Variants in UNC5D observed in about 807,000 individuals in gnomAD.
The protein encoded by UNC5D is netrin receptor UNC5D.
A neutral mutation model predicts 105.4 loss-of-function variants in UNC5D; 39 were observed. The ratio of observed to expected loss-of-function variants is 0.37; its 90% confidence interval spans 0.29 to 0.48. The LOEUF (loss-of-function observed/expected upper bound fraction) is 0.48. Ranked by LOEUF, UNC5D falls within the 20% of genes least tolerant of loss-of-function variation. UNC5D has a pLI of 0.98. For synonymous variants in UNC5D, 452 were observed against 450.4 expected (o/e 1.00, Z -0.04); for missense variants, 991 against 1,202.4 (o/e 0.82, Z 2.60).
intron 2 of UNC5D, among the ~76,000 whole-genome samples, chr8:35,560,617 G>A (rs770383272): frequency 9.9e-5 from 15 of 152,088 alleles, no homozygotes; most frequent in South Asian, 4.1e-4. Context: ...CAAAGAATTC[G>A]TGATTTGCCA....
At chr8:35,380,745 T>C (rs1802994691) in intron 1 of UNC5D, among the ~76,000 whole-genome samples, 1 of 152,194 alleles carries the variant, frequency 6.6e-6, no homozygotes, top group Admixed American at 6.5e-5. Flanking sequence ...ATAACATGCA[T>C]TGACAAAGCA....
chr8:35,407,005 T>C (rs778998735), intron 1 of UNC5D, among the ~76,000 whole-genome samples: 1 of 152,164 alleles, frequency 6.6e-6, no homozygotes, highest in Non-Finnish European at 1.5e-5. Flanking sequence ...AACGACATTT[T>C]AGTTAACAAT....
At chr8:35,736,306 G>A (rs1205386491) in intron 11 of UNC5D, among the ~76,000 whole-genome samples, 3 of 152,194 alleles carry the variant, frequency 2.0e-5, no homozygotes. Context: ...GGGAGGTCGA[G>A]GCTGCTGTAA....
intron 1 of UNC5D, among the ~76,000 whole-genome samples, chr8:35,247,023 T>A (rs1434927482): frequency 1.3e-5 from 2 of 152,040 alleles, no homozygotes; most frequent in African/African-American, 2.4e-5. Flanking sequence ...GGAGTGAAGT[T>A]GCTTGCTTGG....
intron 1 of UNC5D, chr8:35,255,474 A>G (rs1179467184): frequency 1.3e-5 from 2 of 152,076 alleles, no homozygotes; most frequent in African/African-American, 4.8e-5. Context: ...TGTTGTGTGG[A>G]TAGATTACTA....
chr8:35,523,497 A>C (rs1371153), intron 1 of UNC5D, among the ~76,000 whole-genome samples: 37,427 of 151,522 alleles, frequency 0.25, 5,178 homozygotes, highest in African/African-American at 0.38. Context: ...TATTCCCTTG[A>C]AGGTCATGAG....
chr8:35,360,611 T>C (rs990836556), intron 1 of UNC5D, among the ~76,000 whole-genome samples: 1 of 152,204 alleles, frequency 6.6e-6, no homozygotes, highest in African/African-American at 2.4e-5. Flanking sequence ...TTGTCTTCTA[T>C]GTTCTGTGTG....
At chr8:35,631,395 C>T (rs966578664) in intron 4 of UNC5D, among the ~76,000 whole-genome samples, 10 of 152,172 alleles carry the variant, frequency 6.6e-5, no homozygotes, top group African/African-American at 2.2e-4. Context: ...TGATGATTCA[C>T]CCAGAGTCAC....
intron 1 of UNC5D, among the ~76,000 whole-genome samples, chr8:35,248,101 T>TTA (rs1211810934): frequency 1.4e-5 from 1 of 72,438 alleles, no homozygotes; most frequent in African/African-American, 5.8e-5. Flanking sequence ...TAAATATATA[T>TTA]TATATATAAA....
chr8:35,280,537 G>A (rs1806076741), intron 1 of UNC5D, among the ~76,000 whole-genome samples: 2 of 152,138 alleles, frequency 1.3e-5, no homozygotes, highest in South Asian at 4.1e-4. Context: ...GAGTGTTGTA[G>A]TTGTTATTGT....
At chr8:35,502,819 C>T (rs772400222) in intron 1 of UNC5D, among the ~76,000 whole-genome samples, 5 of 151,968 alleles carry the variant, frequency 3.3e-5, no homozygotes, top group Admixed American at 6.6e-5. Context: ...CCCACCTCAG[C>T]CTCTTAAAGT....
chr8:35,356,808 G>A (rs530801975), intron 1 of UNC5D, among the ~76,000 whole-genome samples: 40 of 152,020 alleles, frequency 2.6e-4, no homozygotes, highest in Non-Finnish European at 5.6e-4. Flanking sequence ...TGTGAGAGTC[G>A]GTCTGAGAAC....
chr8:35,595,181 C>A (rs1819412341), intron 3 of UNC5D, among the ~76,000 whole-genome samples: 1 of 152,204 alleles, frequency 6.6e-6, no homozygotes, highest in Admixed American at 6.5e-5. Flanking sequence ...TCATGTGCAT[C>A]TCAACTGCAT....
At chr8:35,313,659 A>G (rs762168659) in intron 1 of UNC5D, among the ~76,000 whole-genome samples, 1 of 152,120 alleles carries the variant, frequency 6.6e-6, no homozygotes, top group Non-Finnish European at 1.5e-5. Flanking sequence ...AGTTAAAAGG[A>G]TGGATCCAGA....
intron 3 of UNC5D, among the ~76,000 whole-genome samples, chr8:35,575,382 A>G (rs1272298253): frequency 1.3e-5 from 2 of 152,188 alleles, no homozygotes; most frequent in Non-Finnish European, 2.9e-5. Context: ...CCATGGATCT[A>G]ACATGGCATC....
Position 35,596,466 on chromosome 8 carries a change from C to G in UNC5D, c.570+809C>G, listed in dbSNP as rs187199099. Among the ~76,000 whole-genome samples, 755 of 152,118 alleles carry G rather than the reference C, an allele frequency of 5.0e-3. 6 individuals carry two copies. The highest frequency in any genetic ancestry group is 8.2e-3 in the Non-Finnish European group (557 of 68,004). On this transcript the variant is annotated intron_variant, in intron 4 of 16. Coordinates refer to ENST00000404895, the MANE Select transcript of UNC5D (RefSeq NM_080872.4). ...TTTATAAATTTAGGCCCGTGAAGCC[C>G]GAAAATTTGAGAGAGGTCTCAGTTA...
chr8:35,290,509 G>T (rs1448120330), intron 1 of UNC5D, among the ~76,000 whole-genome samples: 2 of 152,040 alleles, frequency 1.3e-5, no homozygotes, highest in Non-Finnish European at 2.9e-5. Context: ...GGAATGAGAA[G>T]TTGTTAATCA....
intron 1 of UNC5D, among the ~76,000 whole-genome samples, chr8:35,236,468 A>G (rs1042327047): frequency 6.6e-4 from 1 of 1,526 alleles, no homozygotes. Context: ...GGCGTGCACC[A>G]TCCCAGTTTA....
chr8:35,548,946 T>G lies in UNC5D; in HGVS notation c.104-346T>G, dbSNP rs556495635. On this transcript the variant is annotated intron_variant, in intron 1 of 16. Transcript: ENST00000404895. ...ATTTTGAAGCAGCTTGGGGTTGTCA[T>G]TAGCCCTTTAAGGTAACCATTCACC... Among the ~76,000 whole-genome samples the G allele has an allele frequency of 7.2e-5, 11 of 152,294 alleles. No homozygotes were observed. In the South Asian group the frequency reaches 1.9e-3, roughly 26 times the overall value.
Sources: gnomAD v4.1 joint callset for allele counts (sites outside exome capture counted in the v4.1 genomes callset) on GRCh38, gnomAD v4.1.1 for gene constraint, MANE v1.5 for transcripts, NCBI Gene and HGNC (gene_info 2026-07-23, HGNC 2026-07-21) for gene names.